The following PKIB variants were observed in gnomAD, a reference collection of about 807,000 sequenced individuals.
PKIB encodes the protein PKI-beta.
In PKIB, 2 loss-of-function variants were observed where a neutral mutation model predicts 4.5. The ratio of observed to expected loss-of-function variants is 0.44; its 90% CI spans 0.18 to 1.39. The LOEUF is 1.39. PKIB is among the 40% of genes most tolerant of loss of function. The pLI is 0.27. For synonymous variants in PKIB, 38 were observed against 36.0 expected, an observed-to-expected ratio of 1.06 and a Z score of -0.20; for missense variants, 94 against 92.6, an observed-to-expected ratio of 1.02 and a Z score of -0.06.
rs567635978 is a variant in PKIB, at chr6:122,724,088, C to G, written c.170-1040C>G. Among the ~76,000 whole-genome samples, 10 of 152,202 alleles carry G rather than the reference C, an allele frequency of 6.6e-5. No homozygotes were observed. The South Asian group carries it at 1.9e-3, about 28-fold the overall frequency. On this transcript the variant is annotated intron_variant, in intron 4 of 4. Transcript: ENST00000368452. ...GAGCAGTTTTGCAGGAGTAGTAGAC[C>G]TAAATAGTTTCACTTAAAAACGGAG...
At chr6:122,649,379 A>G (rs1368933855) in intron 2 of PKIB, among the ~76,000 whole-genome samples, 3 of 152,170 alleles carry the variant, frequency 2.0e-5, no homozygotes, top group Non-Finnish European at 4.4e-5. Context: ...TTGTAGTGCA[A>G]TCACTCTCTA....
intron 2 of PKIB, among the ~76,000 whole-genome samples, chr6:122,576,431 G>A (rs1240730228): frequency 2.6e-5 from 4 of 151,900 alleles, no homozygotes; most frequent in African/African-American, 9.7e-5. Flanking sequence ...AACTTTGGGA[G>A]GCCAAGGCAG....
At chr6:122,538,695 GT>G (rs1777487687) in intron 2 of PKIB, among the ~76,000 whole-genome samples, 1 of 152,054 alleles carries the variant, frequency 6.6e-6, no homozygotes, top group Non-Finnish European at 1.5e-5. Flanking sequence ...CTTTAAAGTA[GT>G]TTTTTCCAAT....
intron 2 of PKIB, among the ~76,000 whole-genome samples, chr6:122,485,023 T>C (rs1448237934): frequency 1.3e-5 from 2 of 152,168 alleles, no homozygotes; most frequent in East Asian, 1.9e-4. Context: ...GTTGTTTCTG[T>C]ACCTCACTTC....
At chr6:122,597,822 C>G (rs1774226999) in intron 3 of PKIB, among the ~76,000 whole-genome samples, 1 of 152,094 alleles carries the variant, frequency 6.6e-6, no homozygotes, top group African/African-American at 2.4e-5. Flanking sequence ...GGGAAATGAC[C>G]ACAGGATGAG....
chr6:122,662,307 CCT>C (rs1491408368), intron 2 of PKIB, among the ~76,000 whole-genome samples: 10 of 14,514 alleles, frequency 6.9e-4, no homozygotes, highest in African/African-American at 1.8e-3. Flanking sequence ...TTCCTTGTCT[CCT>C]TTTTTTTTTT....
At chr6:122,716,559 T>C (rs1562317617) in intron 3 of PKIB, among the ~76,000 whole-genome samples, 1 of 152,184 alleles carries the variant, frequency 6.6e-6, no homozygotes, top group Non-Finnish European at 1.5e-5. Context: ...TTTTGGGCAA[T>C]TCCAAACTAT....
intron 3 of PKIB, among the ~76,000 whole-genome samples, chr6:122,681,143 A>G (rs1381437454): frequency 6.6e-6 from 1 of 151,946 alleles, no homozygotes; most frequent in African/African-American, 2.4e-5. Flanking sequence ...ACACATTCAC[A>G]TAAAACCTTG....
intron 1 of PKIB, among the ~76,000 whole-genome samples, chr6:122,625,595 C>T (rs1324323613): frequency 2.0e-5 from 3 of 151,752 alleles, no homozygotes; most frequent in African/African-American, 7.3e-5. Flanking sequence ...CTGAGATTGC[C>T]CCACTGCACT....
At chr6:122,574,892 ATAAG>A (rs1773481901) in intron 2 of PKIB, among the ~76,000 whole-genome samples, 1 of 152,224 alleles carries the variant, frequency 6.6e-6, no homozygotes, top group Admixed American at 6.5e-5. Flanking sequence ...TGAAAAATAA[ATAAG>A]TGTGACCTAC....
chr6:122,725,170 A>G lies in PKIB; in HGVS notation c.212A>G (p.Glu71Gly), dbSNP rs374987092. 2.5e-6 allele frequency: 4 copies of G among 1,611,424 alleles called. No homozygotes were observed. The highest frequency in any genetic ancestry group is 1.6e-4 in the Middle Eastern group (1 of 6,074). Reference sequence around the variant, plus strand: ...GAAAAAACAACACAAGACCAATTGGAAAAGCCTCAAAATGAAGAAAAATGA... The same window carrying G: ...GAAAAAACAACACAAGACCAATTGGGAAAGCCTCAAAATGAAGAAAAATGA... The part of the protein sequence containing the change: ...KDEKTTQDQL[E>G]KPQNEEK The change falls in exon 5 of 5, where the codon GAA becomes GGA. Residue 71 changes from glutamate to glycine, a missense_variant. Coordinates refer to ENST00000368452, the MANE Select transcript of PKIB (RefSeq NM_181795.3).
At chr6:122,696,910 T>TA (rs1778598525) in intron 3 of PKIB, among the ~76,000 whole-genome samples, 2 of 152,176 alleles carry the variant, frequency 1.3e-5, no homozygotes, top group African/African-American at 4.8e-5. Flanking sequence ...CTATTAGTGG[T>TA]AGGGTGTCTT....
chr6:122,689,918 T>G (rs1271445691), intron 3 of PKIB, among the ~76,000 whole-genome samples: 1 of 152,144 alleles, frequency 6.6e-6, no homozygotes, highest in Non-Finnish European at 1.5e-5. Context: ...AATATTTGCT[T>G]TATATATCTA....
At chr6:122,686,743 C>T (rs755425662) in intron 3 of PKIB, among the ~76,000 whole-genome samples, 1 of 152,086 alleles carries the variant, frequency 6.6e-6, no homozygotes, top group Non-Finnish European at 1.5e-5. Context: ...CCTGCCTCAG[C>T]CTCCCAAAGT....
intron 2 of PKIB, among the ~76,000 whole-genome samples, chr6:122,521,460 C>T (rs1346934102): frequency 6.6e-6 from 1 of 152,008 alleles, no homozygotes; most frequent in African/African-American, 2.4e-5. Context: ...GCAGGCAGAT[C>T]ACGAGGTCAG....
chr6:122,687,965 T>C (rs1778158725), intron 3 of PKIB, among the ~76,000 whole-genome samples: 1 of 152,052 alleles, frequency 6.6e-6, no homozygotes, highest in Non-Finnish European at 1.5e-5. Flanking sequence ...ATTTAATGGC[T>C]CTAGCTAGGA....
chr6:122,542,113 T>C (rs1161260916), intron 2 of PKIB, among the ~76,000 whole-genome samples: 1 of 152,048 alleles, frequency 6.6e-6, no homozygotes, highest in Non-Finnish European at 1.5e-5. Context: ...TTTAACTTCT[T>C]TGCCATTGGT....
intron 2 of PKIB, among the ~76,000 whole-genome samples, chr6:122,642,573 C>T (rs1213554335): frequency 6.6e-6 from 1 of 152,100 alleles, no homozygotes; most frequent in Non-Finnish European, 1.5e-5. Context: ...CCTCTTCTCA[C>T]TCTATCCCAT....
rs1777619889 is a variant in PKIB, at chr6:122,675,088, T to C, written c.-65T>C. The C allele has an allele frequency of 6.6e-6, 1 of 152,580 alleles. No individual in the cohort carries two copies. Among genetic ancestry groups the C allele is most frequent in the African/African-American group, 2.4e-5 (1 of 41,446 alleles). 9.5% of individuals were successfully genotyped at this position (152,580 alleles called of 1,614,324 possible). A position where few individuals can be genotyped will look rare whatever the true frequency, so the allele number is the denominator to read the frequency against. On this transcript the variant is annotated 5_prime_UTR_variant, in exon 3 of 5. Transcript: ENST00000368452. ...TTTTTTAATTTGCAGGAAAGAAAGT[T>C]TATCAGAATTTTTTAAACCTGTCTC...
Sources: gnomAD v4.1 joint callset for allele counts (sites outside exome capture counted in the v4.1 genomes callset) on GRCh38, gnomAD v4.1.1 for gene constraint, MANE v1.5 for transcripts, NCBI Gene and HGNC (gene_info 2026-07-23, HGNC 2026-07-21) for gene names.